PRDM16: variants seen among roughly 807,000 people sequenced by gnomAD.
The protein encoded by PRDM16 is histone-lysine N-methyltransferase PRDM16.
In PRDM16, 23 loss-of-function variants were observed where a neutral mutation model predicts 110.6. The ratio of observed to expected loss-of-function variants is 0.21; its 90% confidence interval spans 0.15 to 0.29. PRDM16 has a LOEUF of 0.29. Ranked by LOEUF, PRDM16 falls within the 10% of genes least tolerant of loss-of-function variation. The pLI, the probability that PRDM16 is intolerant of heterozygous loss-of-function variation, is 1.00. For missense variants in PRDM16, 1,615 were observed against 1,794.3 expected, an observed-to-expected ratio of 0.90 and a Z score of 1.81; for synonymous variants, 799 against 781.8, an observed-to-expected ratio of 1.02 and a Z score of -0.37.
At chr1:3,186,543 G>T (rs574718706) in intron 2 of PRDM16, 69 bp downstream of exon 2, 2 of 1,080,842 alleles carry the variant, frequency 1.9e-6, no homozygotes, top group African/African-American at 1.6e-5. Flanking sequence ...TTATAAAGCC[G>T]GGCTGAGCAG....
rs1215600037 is a variant in PRDM16, at chr1:3,350,710, G to C, written c.439-34442G>C. Reference sequence around the variant, plus strand: ...TTGGCACCATGCAGCCTCCCAGATGGCCGGGCCGGGCTGGTTCCTCCCTCC... The same window carrying C: ...TTGGCACCATGCAGCCTCCCAGATGCCCGGGCCGGGCTGGTTCCTCCCTCC... On this transcript the variant is annotated intron_variant, in intron 3 of 16. Transcript: ENST00000270722. The surrounding 1 kb of genome is among the most constrained non-coding windows in gnomAD (Gnocchi z 7.1). Among the ~76,000 whole-genome samples the C allele has an allele frequency of 1.3e-5, 2 of 152,134 alleles. No homozygotes were observed. Among genetic ancestry groups the C allele is most frequent in the African/African-American group, 2.4e-5 (1 of 41,448 alleles).
At chr1:3,348,827 C>A (rs1200267878) in intron 3 of PRDM16, among the ~76,000 whole-genome samples, 1 of 152,208 alleles carries the variant, frequency 6.6e-6, no homozygotes, top group African/African-American at 2.4e-5. Flanking sequence ...GAGCTCAGAG[C>A]TTCCCGCATC....
intron 4 of PRDM16, among the ~76,000 whole-genome samples, chr1:3,396,135 A>C (rs12733813): frequency 6.6e-6 from 1 of 151,700 alleles, no homozygotes; most frequent in Non-Finnish European, 1.5e-5. Flanking sequence ...ACTTACATAC[A>C]CAAAATGGAA....
chr1:3,103,747 C>G (rs1234595421), intron 1 of PRDM16, among the ~76,000 whole-genome samples: 1 of 152,172 alleles, frequency 6.6e-6, no homozygotes, highest in Admixed American at 6.5e-5. Flanking sequence ...AGAGGCGTCC[C>G]TGGAAACCAG....
At chr1:3,232,009 C>T (rs1425190258) in intron 2 of PRDM16, among the ~76,000 whole-genome samples, 3 of 152,220 alleles carry the variant, frequency 2.0e-5, no homozygotes, top group African/African-American at 7.2e-5. Flanking sequence ...ATTAGGAAAG[C>T]ATGCAGTCTT....
rs1642027534 is a variant in PRDM16 at position 3,081,466 on chromosome 1, G to A, written c.37+12170G>A. 6.6e-6 allele frequency among the ~76,000 whole-genome samples: 1 copy of A among 152,212 alleles called. No individual in the cohort carries two copies. Among genetic ancestry groups the A allele is most frequent in the South Asian group, 2.1e-4 (1 of 4,836 alleles). On this transcript the variant is annotated intron_variant, in intron 1 of 16. Transcript: ENST00000270722. The surrounding 1 kb of genome is among the most constrained non-coding windows in gnomAD (Gnocchi z 4.6). Reference sequence around the variant, plus strand: ...TCCTTGTCCCACCAGACCGAGCTGTGGCCGTGTGAGGAGCAGGGCTGAGGT... The same window carrying A: ...TCCTTGTCCCACCAGACCGAGCTGTAGCCGTGTGAGGAGCAGGGCTGAGGT...
At chr1:3,072,779 C>G (rs990712612) in intron 1 of PRDM16, among the ~76,000 whole-genome samples, 1 of 152,144 alleles carries the variant, frequency 6.6e-6, no homozygotes, top group Non-Finnish European at 1.5e-5. Context: ...CGTCTTGCCC[C>G]GCTTCGGACG....
At chr1:3,314,443 A>G (rs777511390) in intron 3 of PRDM16, among the ~76,000 whole-genome samples, 2 of 152,166 alleles carry the variant, frequency 1.3e-5, no homozygotes, top group Non-Finnish European at 2.9e-5. Context: ...GAGGAAGGCC[A>G]CGATGAGGAT....
chr1:3,130,737 C>T (rs145746541), intron 1 of PRDM16, among the ~76,000 whole-genome samples: 119 of 151,540 alleles, frequency 7.9e-4, no homozygotes, highest in Middle Eastern at 3.4e-3. Flanking sequence ...CAAATACTGT[C>T]GCCCTTTTCC....
In PRDM16 at chr1:3,401,495, TG is replaced by T. The variant is rs563050023; in HGVS notation, c.677-1295del. ...AAATTGCATGCATACACACATCACA[TG>T]CACACAAACACAAACATGCACGTTA... On this transcript the variant is annotated intron_variant, in intron 5 of 16. Coordinates refer to ENST00000270722, the MANE Select transcript of PRDM16 (RefSeq NM_022114.4). Among the ~76,000 whole-genome samples, 5 of 152,194 alleles carry T rather than the reference TG, an allele frequency of 3.3e-5. 1 individual carries two copies. Among genetic ancestry groups the T allele is most frequent in the African/African-American group, 1.2e-4 (5 of 41,524 alleles).
Position 3,359,849 on chromosome 1 carries a change from C to T in PRDM16, c.439-25303C>T, listed in dbSNP as rs1289485077. ...TGATGTTTACTTAGAAGGTGGCACC[C>T]GACAAGGGCTTCCAATGTGTTCCAT... On this transcript the variant is annotated intron_variant, in intron 3 of 16. Coordinates refer to ENST00000270722, the MANE Select transcript of PRDM16 (RefSeq NM_022114.4). This position sits in a 1 kb window ranked among gnomAD's most constrained non-coding sequence, Gnocchi z 4.3. Among the ~76,000 whole-genome samples, 2 of 152,192 alleles carry T rather than the reference C, an allele frequency of 1.3e-5. No homozygotes were observed. The highest frequency in any genetic ancestry group is 2.9e-5 in the Non-Finnish European group (2 of 68,036).
rs756605796 is a variant in PRDM16, at chr1:3,414,558, A to G, written c.2604-2A>G. The G allele has an allele frequency of 1.2e-6, 2 of 1,612,246 alleles. No individual in the cohort carries two copies. The highest frequency in any genetic ancestry group is 2.2e-5 in the South Asian group (2 of 90,988). On this transcript the variant is annotated splice_acceptor_variant, in intron 9 of 16. Coordinates refer to ENST00000270722, the MANE Select transcript of PRDM16 (RefSeq NM_022114.4). LOFTEE classifies it high-confidence loss of function. ...TACGTAACCCTCTGTGCTGTTGTCC[A>G]GCAGGGTAGAAAAGCGGAAGGTCAC...
chr1:3,208,549 C>T lies in PRDM16; in HGVS notation c.387+22075C>T, dbSNP rs1002031066. On this transcript the variant is annotated intron_variant, in intron 2 of 16. Coordinates refer to ENST00000270722, the MANE Select transcript of PRDM16 (RefSeq NM_022114.4). The surrounding 1 kb of genome is among the most constrained non-coding windows in gnomAD (Gnocchi z 6.1). ...GACGTGGTGGTGGGCACCTGTAATC[C>T]CAGCTACTTGGGAGGCTGAGGCAGA... is the stretch of plus-strand genomic sequence containing the variant. The T allele has an allele frequency of 6.6e-6, 1 of 152,060 alleles. No homozygotes were observed. Among genetic ancestry groups the T allele is most frequent in the Non-Finnish European group, 1.5e-5 (1 of 68,078 alleles). The allele number at this position is 152,060 out of a possible 1,614,324, so 9.4% of individuals were successfully genotyped here.
chr1:3,231,377 C>T (rs952955297), intron 2 of PRDM16, among the ~76,000 whole-genome samples: 14 of 152,288 alleles, frequency 9.2e-5, no homozygotes, highest in South Asian at 2.1e-4. Context: ...GCATCTTCCC[C>T]GTCGTCATGG....
At chr1:3,422,196 AGACAGACAGATG>A (rs1569762181) in intron 12 of PRDM16, among the ~76,000 whole-genome samples, 2 of 148,140 alleles carry the variant, frequency 1.4e-5, no homozygotes, top group Middle Eastern at 3.5e-3. Context: ...ATAGGTAGGC[AGACAGACAGATG>A]GACAGACAGG....
intron 3 of PRDM16, among the ~76,000 whole-genome samples, chr1:3,295,483 G>A (rs1452488304): frequency 1.3e-5 from 2 of 152,194 alleles, no homozygotes; most frequent in Non-Finnish European, 1.5e-5. Context: ...GAGCACCAGC[G>A]TGTGGGGGCT....
chr1:3,127,142 G>A (rs912117413), intron 1 of PRDM16, among the ~76,000 whole-genome samples: 3 of 152,244 alleles, frequency 2.0e-5, no homozygotes, highest in African/African-American at 7.2e-5. Context: ...ACGGTCTCTT[G>A]TTTTGCAAAA....
At position 3,290,912 on chromosome 1, in the gene PRDM16, T is replaced by A. The variant is rs1273277114; in HGVS notation, c.438+46775T>A. Among the ~76,000 whole-genome samples the A allele has an allele frequency of 6.6e-6, 1 of 151,986 alleles. No homozygotes were observed. The highest frequency in any genetic ancestry group is 1.5e-5 in the Non-Finnish European group (1 of 68,000). On this transcript the variant is annotated intron_variant, in intron 3 of 16. Coordinates refer to ENST00000270722, the MANE Select transcript of PRDM16 (RefSeq NM_022114.4). The surrounding 1 kb of genome is among the most constrained non-coding windows in gnomAD (Gnocchi z 4.8). ...GAGTGATGGTTACGGAAATTAGTGGTGCAGAAATCCATACTCATCATTCAT... is the reference window on the plus strand; with the variant it reads ...GAGTGATGGTTACGGAAATTAGTGGAGCAGAAATCCATACTCATCATTCAT...
At chr1:3,164,581 T>C (rs1467152533) in intron 1 of PRDM16, among the ~76,000 whole-genome samples, 1 of 152,124 alleles carries the variant, frequency 6.6e-6, no homozygotes, top group Non-Finnish European at 1.5e-5. Context: ...CAGAAAACTT[T>C]CCCGGTGTGT....
Sources: gnomAD v4.1 joint callset for allele counts (sites outside exome capture counted in the v4.1 genomes callset) on GRCh38, gnomAD v4.1.1 for gene constraint, Gnocchi (gnomAD v3.1) non-coding constraint, MANE v1.5 for transcripts, NCBI Gene and HGNC (gene_info 2026-07-23, HGNC 2026-07-21) for gene names.